Variants in PCDHGA4 observed in about 807,000 individuals in gnomAD.
The protein encoded by PCDHGA4 is protocadherin gamma-A4.
PCDHGA4 carries 38 observed loss-of-function variants against 54.6 expected under a neutral mutation model. The observed-to-expected ratio is 0.70, with a 90% CI of 0.54 to 0.91. PCDHGA4 has a LOEUF of 0.91. PCDHGA4 is among the 40% of genes least tolerant of loss of function. The pLI is 0.00. For missense variants in PCDHGA4, 1,298 were observed against 1,220.9 expected, an observed-to-expected ratio of 1.06 and a Z score of -0.94; for synonymous variants, 511 against 512.9, an observed-to-expected ratio of 1.00 and a Z score of 0.05.
intron 1 of PCDHGA4, chr5:141,394,332 A>T (rs1270394666): frequency 1.9e-6 from 3 of 1,614,010 alleles, no homozygotes; most frequent in Non-Finnish European, 2.5e-6. Flanking sequence ...GTATATCTCC[A>T]TCAACTCTGA....
chr5:141,436,856 G>A (rs942357563), intron 1 of PCDHGA4, among the ~76,000 whole-genome samples: 2 of 152,246 alleles, frequency 1.3e-5, no homozygotes, highest in Admixed American at 1.3e-4. Context: ...TGATTGAGAA[G>A]CCACAGTTTT....
At chr5:141,455,389 G>C (rs1190144149) in intron 1 of PCDHGA4, among the ~76,000 whole-genome samples, 1 of 152,114 alleles carries the variant, frequency 6.6e-6, no homozygotes, top group Non-Finnish European at 1.5e-5. Flanking sequence ...GAAGGAAGGA[G>C]CTCCCCCTTA....
At chr5:141,474,803 T>C (rs1383027398) in intron 1 of PCDHGA4, among the ~76,000 whole-genome samples, 1 of 152,250 alleles carries the variant, frequency 6.6e-6, no homozygotes, top group Non-Finnish European at 1.5e-5. Context: ...ATGGAGTGGT[T>C]TGCATCATTA....
rs1767458792 is a variant in PCDHGA4 at position 141,371,070 on chromosome 5, A to G, written c.2514+13449A>G. ...GGGCGAGCCCTCCAGAAGCTGTACCACCCAGATCAGGGTAATTGTCGCAGA... is the reference window on the plus strand; with the variant it reads ...GGGCGAGCCCTCCAGAAGCTGTACCGCCCAGATCAGGGTAATTGTCGCAGA... On this transcript the variant is annotated intron_variant, in intron 1 of 3. Coordinates refer to ENST00000571252, the MANE Select transcript of PCDHGA4 (RefSeq NM_018917.4). The G allele has an allele frequency of 3.7e-6, 6 of 1,613,796 alleles. No individual in the cohort carries two copies. The highest frequency in any genetic ancestry group is 5.1e-6 in the Non-Finnish European group (6 of 1,179,860).
intron 1 of PCDHGA4, chr5:141,408,377 C>A: frequency 6.2e-7 from 1 of 1,614,020 alleles, no homozygotes; most frequent in Non-Finnish European, 8.5e-7. Flanking sequence ...GCTCAGTGTC[C>A]TGGATGTGTC....
intron 1 of PCDHGA4, chr5:141,360,246 T>C: frequency 6.2e-7 from 1 of 1,613,890 alleles, no homozygotes; most frequent in Admixed American, 1.7e-5. Flanking sequence ...GCTATTCAAT[T>C]CCAGAGGAGC....
At chr5:141,422,090 A>T (rs762413085) in intron 1 of PCDHGA4, 1 of 1,611,852 alleles carries the variant, frequency 6.2e-7, no homozygotes, top group East Asian at 2.2e-5. Context: ...ATGGAAAGCA[A>T]GGCTTCTGAA....
intron 1 of PCDHGA4, chr5:141,399,381 C>T: frequency 1.2e-6 from 2 of 1,613,982 alleles, no homozygotes; most frequent in Non-Finnish European, 8.5e-7. Flanking sequence ...ATGTCACCAT[C>T]ACAGCCACAG....
At chr5:141,445,134 A>T (rs900226020) in intron 1 of PCDHGA4, among the ~76,000 whole-genome samples, 1 of 152,198 alleles carries the variant, frequency 6.6e-6, no homozygotes, top group East Asian at 1.9e-4. Context: ...TTAAAATTGT[A>T]TCTTCTAATT....
At chr5:141,383,126 C>A in intron 1 of PCDHGA4, 1 of 1,614,062 alleles carries the variant, frequency 6.2e-7, no homozygotes, top group East Asian at 2.2e-5. Context: ...CAGCTTTTCG[C>A]CCTGAACCAG....
intron 1 of PCDHGA4, chr5:141,387,801 C>A: frequency 6.6e-7 from 1 of 1,509,314 alleles, no homozygotes; most frequent in Non-Finnish European, 8.9e-7. Flanking sequence ...AAAGTCCGTT[C>A]GGAGATCCAA....
At chr5:141,403,157 A>G in intron 1 of PCDHGA4, 3 of 1,614,030 alleles carry the variant, frequency 1.9e-6, no homozygotes, top group Non-Finnish European at 8.5e-7. Context: ...CATCGTCTCT[A>G]GAGGTAGGAC....
In PCDHGA4 at chr5:141,431,482, G is replaced by C. The variant is rs781371030; in HGVS notation, c.2515-63325G>C. ...TGGATGCGAACGACAACGCACCAGCGTTTGCTCAGCCCGAGTACCGCGCGA... is the reference window on the plus strand; with the variant it reads ...TGGATGCGAACGACAACGCACCAGCCTTTGCTCAGCCCGAGTACCGCGCGA... On this transcript the variant is annotated intron_variant, in intron 1 of 3. Coordinates refer to ENST00000571252, the MANE Select transcript of PCDHGA4 (RefSeq NM_018917.4). The surrounding 1 kb of genome is among the most constrained non-coding windows in gnomAD (Gnocchi z 4.8). The C allele has an allele frequency of 6.8e-6, 11 of 1,613,800 alleles. No individual in the cohort carries two copies. The Admixed American group carries it at 1.3e-4, about 20-fold the overall frequency.
At chr5:141,510,910 A>T (rs780792326) in intron 3 of PCDHGA4, 37 bp from the exon 4 acceptor site, 1 of 1,613,740 alleles carries the variant, frequency 6.2e-7, no homozygotes, top group East Asian at 2.2e-5. Flanking sequence ...GAGGACCCTA[A>T]GTTTAGCTCC....
chr5:141,369,441 A>T (rs1766249196), intron 1 of PCDHGA4, among the ~76,000 whole-genome samples: 1 of 152,152 alleles, frequency 6.6e-6, no homozygotes, highest in African/African-American at 2.4e-5. Flanking sequence ...CTGAGGTGGG[A>T]GGATTGCTTA....
chr5:141,409,286 C>T (rs1304936825), intron 1 of PCDHGA4: 1 of 1,613,826 alleles, frequency 6.2e-7, no homozygotes, highest in African/African-American at 1.3e-5. Context: ...GAATTCACCT[C>T]CAGGAATGGT....
chr5:141,461,778 C>CA (rs1280703059), intron 1 of PCDHGA4, among the ~76,000 whole-genome samples: 6 of 152,052 alleles, frequency 3.9e-5, no homozygotes, highest in Non-Finnish European at 7.4e-5. Context: ...CTCAGCCTCC[C>CA]AAGTAGCTGG....
intron 3 of PCDHGA4, among the ~76,000 whole-genome samples, chr5:141,506,948 G>A (rs949082646): frequency 6.6e-6 from 1 of 152,162 alleles, no homozygotes; most frequent in Non-Finnish European, 1.5e-5. Flanking sequence ...TCCTGTCAAT[G>A]AATCCTCTCA....
intron 1 of PCDHGA4, among the ~76,000 whole-genome samples, chr5:141,458,512 TG>T (rs995261761): frequency 1.3e-5 from 2 of 150,194 alleles, no homozygotes; most frequent in East Asian, 1.9e-4. Flanking sequence ...TTTGACACTT[TG>T]TTTTTTTTTT....
Sources: gnomAD v4.1 joint callset for allele counts (sites outside exome capture counted in the v4.1 genomes callset) on GRCh38, gnomAD v4.1.1 for gene constraint, Gnocchi (gnomAD v3.1) non-coding constraint, MANE v1.5 for transcripts, NCBI Gene and HGNC (gene_info 2026-07-23, HGNC 2026-07-21) for gene names.